The following KCNN3 variants were observed in gnomAD, a reference collection of about 807,000 sequenced individuals.
KCNN3 encodes the protein small conductance calcium-activated potassium channel protein 3.
A neutral mutation model predicts 62.9 loss-of-function variants in KCNN3; 16 were observed. The observed-to-expected ratio is 0.25, with a 90% CI of 0.17 to 0.39. KCNN3 has a LOEUF of 0.39. KCNN3 is among the 10% of genes least tolerant of loss of function. The pLI is 1.00. For missense variants in KCNN3, 599 were observed against 949.4 expected (o/e 0.63, Z 4.85); for synonymous variants, 370 against 389.2 (o/e 0.95, Z 0.58).
intron 3 of KCNN3, among the ~76,000 whole-genome samples, chr1:154,752,327 C>T (rs923581670): frequency 6.6e-6 from 1 of 152,208 alleles, no homozygotes; most frequent in African/African-American, 2.4e-5. Flanking sequence ...TCAGCTCACC[C>T]AAATATAGGG....
At chr1:154,779,034 T>C (rs1474943495) in intron 2 of KCNN3, among the ~76,000 whole-genome samples, 4 of 152,098 alleles carry the variant, frequency 2.6e-5, no homozygotes, top group Non-Finnish European at 5.9e-5. Flanking sequence ...TATAGACACA[T>C]GGCCTCACTA....
chr1:154,808,633 A>G (rs1288147997), intron 2 of KCNN3, among the ~76,000 whole-genome samples: 2 of 152,094 alleles, frequency 1.3e-5, no homozygotes, highest in African/African-American at 2.4e-5. Flanking sequence ...TGCTGAATGA[A>G]TTAATCACCT....
intron 3 of KCNN3, among the ~76,000 whole-genome samples, chr1:154,767,971 T>C (rs1405920840): frequency 6.6e-6 from 1 of 152,202 alleles, no homozygotes; most frequent in Admixed American, 6.5e-5. Flanking sequence ...GAGATTTCCA[T>C]AGCAACTTCA....
rs914781161 is a variant in KCNN3 at position 154,822,336 on chromosome 1, G to A, written c.934-152C>T. ...CAGGTGTAGCACAAAGTCAGCCTGA[G>A]CCCCACAAAAGCCTTGGGCTGTGCC... On this transcript the variant is annotated intron_variant, in intron 1 of 7. Transcript: ENST00000271915. 5.7e-6 allele frequency: 4 copies of A among 698,794 alleles called. No individual in the cohort carries two copies. In the African/African-American group the frequency reaches 7.0e-5, roughly 12 times the overall value. 43.3% of individuals were successfully genotyped at this position (698,794 alleles called of 1,614,324 possible).
At chr1:154,795,062 C>T (rs535220956) in intron 2 of KCNN3, among the ~76,000 whole-genome samples, 1 of 152,252 alleles carries the variant, frequency 6.6e-6, no homozygotes, top group Non-Finnish European at 1.5e-5. Context: ...CTGAGACAGG[C>T]ATAAATTTAG....
chr1:154,820,630 C>T (rs549784038), intron 2 of KCNN3, among the ~76,000 whole-genome samples: 1 of 152,320 alleles, frequency 6.6e-6, no homozygotes, highest in Non-Finnish European at 1.5e-5. Flanking sequence ...TCCTCCCTGC[C>T]TGTACTCCTG....
chr1:154,703,382 G>A lies in KCNN3; in HGVS notation c.*4594C>T, dbSNP rs145604425. On this transcript the variant is annotated 3_prime_UTR_variant, in exon 8 of 8. Transcript: ENST00000271915. The stretch of plus-strand genomic sequence containing the variant: ...TGCAAGGGGAGAGAAGGGGTTGTTC[G>A]TGCCTACTGGGAAGTCACCAGATAG... 6 of 152,186 alleles carry A rather than the reference G, an allele frequency of 3.9e-5. No individual in the cohort carries two copies. Among genetic ancestry groups the A allele is most frequent in the African/African-American group, 1.4e-4 (6 of 41,436 alleles). 9.4% of individuals were successfully genotyped at this position (152,186 alleles called of 1,614,324 possible).
intron 5 of KCNN3, 50 bp from the exon 6 acceptor site, chr1:154,715,053 T>A: frequency 6.2e-7 from 1 of 1,609,426 alleles, no homozygotes; most frequent in African/African-American, 1.3e-5. Flanking sequence ...TTTTCTTAGG[T>A]TCATTTTTGT....
At chr1:154,793,486 A>T (rs1256107696) in intron 2 of KCNN3, among the ~76,000 whole-genome samples, 3 of 152,268 alleles carry the variant, frequency 2.0e-5, no homozygotes, top group African/African-American at 7.2e-5. Flanking sequence ...GGGAATTAAC[A>T]GACTCCATTT....
intron 3 of KCNN3, among the ~76,000 whole-genome samples, chr1:154,766,070 T>C (rs1005904388): frequency 6.6e-6 from 1 of 151,714 alleles, no homozygotes; most frequent in Non-Finnish European, 1.5e-5. Context: ...GCAGGATCCC[T>C]GTCGCCTCCC....
chr1:154,714,743 G>A, intron 6 of KCNN3, 133 bp downstream of exon 6: 2 of 1,275,736 alleles, frequency 1.6e-6, no homozygotes, highest in Non-Finnish European at 1.1e-6. Flanking sequence ...GTCAGTGAGT[G>A]ATCAGACCCA....
At chr1:154,761,324 C>T (rs1270830056) in intron 3 of KCNN3, among the ~76,000 whole-genome samples, 3 of 152,056 alleles carry the variant, frequency 2.0e-5, no homozygotes, top group African/African-American at 4.8e-5. Context: ...AAAAATTAGC[C>T]GGGCATGGTG....
At chr1:154,787,181 C>T (rs1481650384) in intron 2 of KCNN3, among the ~76,000 whole-genome samples, 4 of 152,374 alleles carry the variant, frequency 2.6e-5, no homozygotes, top group Admixed American at 6.5e-5. Flanking sequence ...GAATTCCTAT[C>T]GTAGGCACTG....
chr1:154,801,813 G>A (rs559337829), intron 2 of KCNN3, among the ~76,000 whole-genome samples: 4 of 152,290 alleles, frequency 2.6e-5, no homozygotes, highest in East Asian at 1.9e-4. Flanking sequence ...GCACAACCCC[G>A]GAGTGAAAGA....
intron 1 of KCNN3, among the ~76,000 whole-genome samples, chr1:154,864,898 A>G (rs903296218): frequency 4.5e-4 from 68 of 152,236 alleles, no homozygotes; most frequent in African/African-American, 1.5e-3. Context: ...GAGGTTGTAC[A>G]GATTGGTGGA....
At chr1:154,799,784 A>G (rs1437593008) in intron 2 of KCNN3, among the ~76,000 whole-genome samples, 2 of 152,238 alleles carry the variant, frequency 1.3e-5, no homozygotes, top group African/African-American at 2.4e-5. Flanking sequence ...TGGTGGCCTC[A>G]TCCCACAAGA....
intron 4 of KCNN3, among the ~76,000 whole-genome samples, chr1:154,729,316 C>A (rs967681266): frequency 4.6e-5 from 7 of 152,184 alleles, no homozygotes; most frequent in African/African-American, 1.7e-4. Context: ...CTCTGTCCAA[C>A]TTCCAGTTCC....
At chr1:154,743,441 G>C in intron 3 of KCNN3, among the ~76,000 whole-genome samples, 1 of 152,150 alleles carries the variant, frequency 6.6e-6, no homozygotes, top group East Asian at 1.9e-4. Flanking sequence ...GCCTCTCTGA[G>C]CCCATCTCAC....
At chr1:154,796,681 G>A (rs976795761) in intron 2 of KCNN3, among the ~76,000 whole-genome samples, 2 of 152,234 alleles carry the variant, frequency 1.3e-5, no homozygotes, top group Non-Finnish European at 2.9e-5. Context: ...GTTCAGAAGT[G>A]TCTGAAGCTG....
Sources: gnomAD v4.1 joint callset for allele counts (sites outside exome capture counted in the v4.1 genomes callset) on GRCh38, gnomAD v4.1.1 for gene constraint, MANE v1.5 for transcripts, NCBI Gene and HGNC (gene_info 2026-07-23, HGNC 2026-07-21) for gene names.